The following PRKCQ variants were observed in gnomAD, a reference collection of about 807,000 sequenced individuals.
PRKCQ encodes the protein protein kinase C theta.
PRKCQ carries 41 observed loss-of-function variants against 91.2 expected under a neutral mutation model. The ratio of observed to expected loss-of-function variants is 0.45; its 90% confidence interval spans 0.35 to 0.58. The LOEUF is 0.58. Among genes scored for constraint, PRKCQ ranks in the 20% least tolerant of loss-of-function variants. The pLI, the probability that PRKCQ is intolerant of heterozygous loss-of-function variation, is 0.00. For synonymous variants in PRKCQ, 307 were observed against 316.9 expected (o/e 0.97, Z 0.33); for missense variants, 673 against 896.5 (o/e 0.75, Z 3.18).
intron 1 of PRKCQ, among the ~76,000 whole-genome samples, chr10:6,539,811 T>A (rs1839712764): frequency 6.6e-6 from 1 of 152,188 alleles, no homozygotes; most frequent in Non-Finnish European, 1.5e-5. Flanking sequence ...ATGTCTTTCT[T>A]GAGTATACTG....
At chr10:6,507,628 C>A in intron 3 of PRKCQ, 132 bp from the exon 4 acceptor site, 2 of 780,884 alleles carry the variant, frequency 2.6e-6, no homozygotes, top group Middle Eastern at 2.4e-4. Context: ...CCACTGTACT[C>A]AAACTCATTG....
chr10:6,404,980 CTCTT>C, the PRKCQ span, among the ~76,000 whole-genome samples: 1 of 137,578 alleles, frequency 7.3e-6, no homozygotes. Context: ...CTCTCTCTCT[CTCTT>C]TCTTTCTTTC....
At chr10:6,568,672 G>GT (rs1159939351) in intron 1 of PRKCQ, among the ~76,000 whole-genome samples, 1 of 151,874 alleles carries the variant, frequency 6.6e-6, no homozygotes, top group Non-Finnish European at 1.5e-5. Context: ...TAATTTTTTT[G>GT]TATTTTTAGT....
intron 8 of PRKCQ, 71 bp from the exon 9 acceptor site, chr10:6,486,215 G>T: frequency 7.9e-7 from 1 of 1,271,178 alleles, no homozygotes; most frequent in Non-Finnish European, 1.1e-6. Context: ...CTCTCTGGAG[G>T]TAAGACAGAG....
chr10:6,454,690 T>C (rs1282238296), intron 15 of PRKCQ, among the ~76,000 whole-genome samples: 1 of 152,028 alleles, frequency 6.6e-6, no homozygotes, highest in Admixed American at 6.5e-5. Flanking sequence ...GAAGGACTCA[T>C]GCATTTACTT....
rs1833999131 is a variant in PRKCQ at position 6,442,078 on chromosome 10, A to C, written c.1651T>G (p.Leu551Val). 1 of 1,609,894 alleles carries C rather than the reference A, an allele frequency of 6.2e-7. No homozygotes were observed. The highest frequency in any genetic ancestry group is 1.7e-5 in the Admixed American group (1 of 59,936). Residue 551 changes from leucine to valine, a missense_variant, in exon 16 of 18, where the codon TTG becomes GTG. By Grantham distance (32) the Leu-to-Val change is conservative (BLOSUM62 1). Coordinates refer to ENST00000263125, the MANE Select transcript of PRKCQ (RefSeq NM_006257.5). ...GTPDYIAPEI[L>V]LGQKYNHSVD... ...GAGTGGTTGTATTTCTGACCCAGCA[A>C]GATCTGCACAACCAAAAGGCAGACA...
At chr10:6,448,157 G>A (rs1012702959) in intron 15 of PRKCQ, among the ~76,000 whole-genome samples, 10 of 152,176 alleles carry the variant, frequency 6.6e-5, no homozygotes, top group African/African-American at 1.4e-4. Context: ...TTGTGTGGTC[G>A]TTTATTCAGG....
intron 14 of PRKCQ, among the ~76,000 whole-genome samples, chr10:6,457,532 T>G (rs953058457): frequency 6.6e-6 from 1 of 152,190 alleles, no homozygotes; most frequent in Non-Finnish European, 1.5e-5. Flanking sequence ...TTTCAGACCC[T>G]TTTGACCTTG....
intron 1 of PRKCQ, among the ~76,000 whole-genome samples, chr10:6,535,544 A>C (rs1355939466): frequency 6.6e-6 from 1 of 152,154 alleles, no homozygotes; most frequent in Non-Finnish European, 1.5e-5. Flanking sequence ...ACTTATGTCA[A>C]ACCCCAAGTA....
chr10:6,490,009 G>A (rs1476225941), intron 8 of PRKCQ, among the ~76,000 whole-genome samples: 2 of 152,098 alleles, frequency 1.3e-5, no homozygotes, highest in African/African-American at 4.8e-5. Flanking sequence ...TCCTGTTTCT[G>A]TGGATACCGT....
At chr10:6,411,200 T>C in the PRKCQ span, among the ~76,000 whole-genome samples, 5 of 152,336 alleles carry the variant, frequency 3.3e-5, no homozygotes, top group Non-Finnish European at 1.5e-5. Flanking sequence ...CTTTCTGTTC[T>C]TTAAGCTCTT....
chr10:6,453,977 C>T (rs1183223409), intron 15 of PRKCQ, among the ~76,000 whole-genome samples: 5 of 151,758 alleles, frequency 3.3e-5, no homozygotes, highest in East Asian at 3.9e-4. Flanking sequence ...TGCTAAATGA[C>T]GAGTTAATGG....
chr10:6,410,421 C>T, the PRKCQ span, among the ~76,000 whole-genome samples: 1 of 152,214 alleles, frequency 6.6e-6, no homozygotes, highest in Non-Finnish European at 1.5e-5. Context: ...CTCCATCATA[C>T]CAGCTGAGTG....
At chr10:6,445,705 C>T in intron 15 of PRKCQ, among the ~76,000 whole-genome samples, 1 of 152,240 alleles carries the variant, frequency 6.6e-6, no homozygotes, top group African/African-American at 2.4e-5. Context: ...TCGATATTTA[C>T]ATGCTAAAGT....
At chr10:6,440,317 G>C (rs4750457) in intron 16 of PRKCQ, among the ~76,000 whole-genome samples, 31,875 of 152,186 alleles carry the variant, frequency 0.21, 3,958 homozygotes, top group Non-Finnish European at 0.27. Context: ...TGCAGAATCA[G>C]CGTTGGTACA....
chr10:6,491,832 T>C lies in PRKCQ; in HGVS notation c.661-20A>G, dbSNP rs776425107. ...GTGGAACTGAAAGAAAGGCAGAAGG[T>C]GAAATCTGTGTATTCCTGGGGCCCC... On this transcript the variant is annotated intron_variant, in intron 7 of 17. Transcript: ENST00000263125. The C allele has an allele frequency of 2.4e-5, 39 of 1,614,026 alleles. No individual in the cohort carries two copies. In the South Asian group the frequency reaches 4.2e-4, roughly 17 times the overall value.
Position 6,428,233 on chromosome 10 carries a change from G to T in PRKCQ, c.2095C>A (p.Pro699Thr). ...CAGGATATCAGCCGCTCCATCCCGG[G>T]GTTCATGAAGGAAAAGTTCCTGAAC... ...NMFRNFSFMNPGMERLIS is the reference protein window; with the variant it reads ...NMFRNFSFMNTGMERLIS The change falls in exon 18 of 18, where the codon CCC (proline) becomes ACC (threonine). Residue 699 changes from proline (P) to threonine (T), a missense_variant. Physicochemically the swap from Pro to Thr is conservative, Grantham distance 38. Coordinates refer to ENST00000263125, the MANE Select transcript of PRKCQ (RefSeq NM_006257.5). 6.2e-7 allele frequency: 1 copy of T among 1,614,132 alleles called. No homozygotes were observed. The highest frequency in any genetic ancestry group is 1.3e-5 in the African/African-American group (1 of 75,026).
At chr10:6,532,661 A>G (rs1435615182) in intron 1 of PRKCQ, among the ~76,000 whole-genome samples, 2 of 152,238 alleles carry the variant, frequency 1.3e-5, no homozygotes, top group Non-Finnish European at 2.9e-5. Context: ...TTTAACTGCA[A>G]TTTCATTATT....
At chr10:6,441,665 G>A (rs767418807) in intron 16 of PRKCQ, among the ~76,000 whole-genome samples, 17 of 152,106 alleles carry the variant, frequency 1.1e-4, no homozygotes, top group East Asian at 1.9e-4. Flanking sequence ...TTCCTGGGCC[G>A]TTATGTTATA....
Sources: gnomAD v4.1 joint callset for allele counts (sites outside exome capture counted in the v4.1 genomes callset) on GRCh38, gnomAD v4.1.1 for gene constraint, MANE v1.5 for transcripts, NCBI Gene and HGNC (gene_info 2026-07-23, HGNC 2026-07-21) for gene names.